The following FAT3 variants were observed in gnomAD, a reference collection of about 807,000 sequenced individuals.
FAT3 encodes the protein FAT atypical cadherin 3, also known as protocadherin Fat 3.
A neutral mutation model predicts 310.2 loss-of-function variants in FAT3; 95 were observed. The ratio of observed to expected loss-of-function variants is 0.31; its 90% CI spans 0.26 to 0.36. The LOEUF is 0.36. Ranked by LOEUF, FAT3 falls within the 10% of genes least tolerant of loss-of-function variation. The probability of loss-of-function intolerance (pLI) is 1.00; values close to 1 mark genes in which losing one functional copy is unlikely to be tolerated. For synonymous variants in FAT3, 2,314 were observed against 2,192.9 expected (o/e 1.06, Z -1.54); for missense variants, 5,408 against 5,715.6 (o/e 0.95, Z 1.74).
intron 12 of FAT3, 132 bp downstream of exon 12, chr11:92,806,647 T>A: frequency 1.4e-6 from 1 of 722,222 alleles, no homozygotes. Flanking sequence ...AATTTTCCCT[T>A]CCATCCTTTC....
At chr11:92,595,987 G>A (rs892241482) in intron 3 of FAT3, among the ~76,000 whole-genome samples, 3 of 152,126 alleles carry the variant, frequency 2.0e-5, no homozygotes, top group Admixed American at 2.0e-4. Flanking sequence ...TGTGAGTATG[G>A]CTCGTACAAG....
At chr11:92,635,643 T>A (rs1005367378) in intron 3 of FAT3, among the ~76,000 whole-genome samples, 6 of 152,250 alleles carry the variant, frequency 3.9e-5, no homozygotes, top group East Asian at 3.8e-4. Flanking sequence ...GAATGCCTGC[T>A]GTTTTCTGTC....
intron 1 of FAT3, among the ~76,000 whole-genome samples, chr11:92,291,782 A>G (rs1445230466): frequency 2.6e-5 from 4 of 152,040 alleles, no homozygotes; most frequent in African/African-American, 9.7e-5. Context: ...AAGCATGCAA[A>G]TTCTCCAACA....
At chr11:92,804,297 C>T (rs1283773586) in intron 10 of FAT3, among the ~76,000 whole-genome samples, 2 of 151,638 alleles carry the variant, frequency 1.3e-5, no homozygotes, top group African/African-American at 4.8e-5. Flanking sequence ...CCTGACTTAC[C>T]GCCAGTGGTC....
intron 6 of FAT3, among the ~76,000 whole-genome samples, chr11:92,773,626 A>G (rs959685313): frequency 1.3e-5 from 2 of 152,104 alleles, no homozygotes; most frequent in African/African-American, 4.8e-5. Context: ...TTAAATGTCT[A>G]CTCATTCTAT....
chr11:92,822,380 C>A (rs995342600), intron 13 of FAT3, among the ~76,000 whole-genome samples: 1 of 151,852 alleles, frequency 6.6e-6, no homozygotes, highest in Non-Finnish European at 1.5e-5. Flanking sequence ...CTCGGCAATG[C>A]AGAGGACGGA....
chr11:92,675,388 A>G (rs555929208), intron 3 of FAT3, among the ~76,000 whole-genome samples: 5 of 152,348 alleles, frequency 3.3e-5, no homozygotes, highest in Non-Finnish European at 7.4e-5. Context: ...ACTTAAACTT[A>G]AAACTCAATG....
At chr11:92,661,120 T>C (rs1272434556) in intron 3 of FAT3, among the ~76,000 whole-genome samples, 3 of 152,162 alleles carry the variant, frequency 2.0e-5, no homozygotes, top group Non-Finnish European at 4.4e-5. Context: ...GTGTTGGAAA[T>C]GGCTCAAAAA....
chr11:92,368,482 A>C (rs1305220739), intron 2 of FAT3, among the ~76,000 whole-genome samples: 2 of 152,218 alleles, frequency 1.3e-5, no homozygotes, highest in African/African-American at 2.4e-5. Flanking sequence ...TGTCAACAAA[A>C]GAAAAAACTT....
chr11:92,655,197 T>G (rs1190790323), intron 3 of FAT3, among the ~76,000 whole-genome samples: 1 of 150,334 alleles, frequency 6.7e-6, no homozygotes, highest in Non-Finnish European at 1.5e-5. Context: ...TATCACTATC[T>G]AGGATAGGTA....
chr11:92,705,535 G>A (rs1944271246), intron 4 of FAT3, among the ~76,000 whole-genome samples: 1 of 110,252 alleles, frequency 9.1e-6, no homozygotes, highest in Non-Finnish European at 1.9e-5. Flanking sequence ...TGGTGGTGGT[G>A]TGATGGTGTG....
chr11:92,762,299 T>C (rs2136087409), intron 5 of FAT3, 129 bp downstream of exon 5: 1 of 910,632 alleles, frequency 1.1e-6, no homozygotes, highest in East Asian at 2.6e-5. Flanking sequence ...GAAGGGTTCT[T>C]TCTGGGAGGC....
chr11:92,272,711 G>A (rs1946159482), intron 1 of FAT3, among the ~76,000 whole-genome samples: 1 of 151,976 alleles, frequency 6.6e-6, no homozygotes, highest in Non-Finnish European at 1.5e-5. Context: ...GGGAAAATGT[G>A]CCCCAAATGA....
chr11:92,369,320 A>T (rs909109044), intron 2 of FAT3, among the ~76,000 whole-genome samples: 1 of 152,176 alleles, frequency 6.6e-6, no homozygotes. Flanking sequence ...CTTTAATGTT[A>T]TTGCAGGAAG....
rs1285167236 is a variant in FAT3, at chr11:92,883,516, T to C, written c.12937+123T>C. ...GCAGAGCATTCGCTATGACATGTGCTGATGTCGAATGTGCACACCAGCTCT... is the reference window on the plus strand; with the variant it reads ...GCAGAGCATTCGCTATGACATGTGCCGATGTCGAATGTGCACACCAGCTCT... On this transcript the variant is annotated intron_variant, in intron 24 of 27. Coordinates refer to ENST00000525166, the MANE Select transcript of FAT3 (RefSeq NM_001367949.2). The surrounding 1 kb of genome is among the most constrained non-coding windows in gnomAD (Gnocchi z 4.2). The C allele has an allele frequency of 1.6e-6, 2 of 1,258,622 alleles. No homozygotes were observed. Among genetic ancestry groups the C allele is most frequent in the East Asian group, 5.1e-5 (2 of 39,168 alleles). The allele number at this position is 1,258,622 out of a possible 1,614,324, so 78.0% of individuals were successfully genotyped here.
intron 13 of FAT3, among the ~76,000 whole-genome samples, chr11:92,810,589 T>C (rs1947641813): frequency 6.6e-6 from 1 of 152,216 alleles, no homozygotes; most frequent in Non-Finnish European, 1.5e-5. Flanking sequence ...ACGTGGATTT[T>C]TTAAACTGCC....
intron 2 of FAT3, among the ~76,000 whole-genome samples, chr11:92,368,852 A>ACATC (rs1949096396): frequency 7.4e-6 from 1 of 135,680 alleles, no homozygotes; most frequent in African/African-American, 3.2e-5. Context: ...ATATATACAC[A>ACATC]CATACACATA....
chr11:92,226,226 C>G (rs949545578), intron 1 of FAT3, among the ~76,000 whole-genome samples: 1 of 152,172 alleles, frequency 6.6e-6, no homozygotes, highest in Non-Finnish European at 1.5e-5. Context: ...GCATCTGGCC[C>G]CCCGGCTTGC....
rs1313177818 is a variant in FAT3, at chr11:92,805,221, C to T, written c.8965C>T (p.Pro2989Ser). The change falls in exon 11 of 28, where the codon CCT becomes TCT. Residue 2989 changes from proline (P) to serine (S), a missense_variant. Physicochemically the swap from Pro to Ser is moderately conservative, Grantham distance 74 (BLOSUM62 -1). Transcript: ENST00000525166. ...TGAGTGGAAGGTCTATGTGAAGAGG[C>T]CTCTAGACAGAGAAGAACAGGACAT... ...QSEWKVYVKR[P>S]LDREEQDIYF... 1.2e-6 allele frequency: 2 copies of T among 1,613,660 alleles called. No homozygotes were observed. The highest frequency in any genetic ancestry group is 2.2e-5 in the East Asian group (1 of 44,874).
Sources: allele counts gnomAD v4.1 joint callset (sites outside exome capture counted in the v4.1 genomes callset), GRCh38; gene constraint gnomAD v4.1.1; non-coding constraint Gnocchi (gnomAD v3.1); transcripts MANE v1.5; gene names NCBI Gene and HGNC (gene_info 2026-07-23, HGNC 2026-07-21).